PCDHGA5: variants seen among roughly 807,000 people sequenced by gnomAD.
PCDHGA5 encodes protocadherin gamma subfamily A, 5.
PCDHGA5 carries 36 observed loss-of-function variants against 56.7 expected under a neutral mutation model. The ratio of observed to expected loss-of-function variants is 0.64; its 90% CI spans 0.49 to 0.84. The LOEUF (loss-of-function observed/expected upper bound fraction) is 0.84, where lower values mean the gene tolerates loss of function less well. PCDHGA5 is among the 40% of genes least tolerant of loss of function. The pLI is 0.00. For missense variants in PCDHGA5, 1,305 were observed against 1,201.5 expected (o/e 1.09, Z -1.27); for synonymous variants, 563 against 520.2 (o/e 1.08, Z -1.12).
rs2093886414 is a variant in PCDHGA5 at position 141,399,784 on chromosome 5, G to C, written c.2421+33033G>C. On this transcript the variant is annotated intron_variant, in intron 1 of 3. Transcript: ENST00000518069. ...GCGCGTGTTGGTGGGCGACCGAAAC[G>C]ACAACGCACCGCGGGTGCTGTACCC... The C allele has an allele frequency of 2.5e-6, 4 of 1,613,288 alleles. No homozygotes were observed. The East Asian group carries it at 6.7e-5, about 27-fold the overall frequency.
intron 1 of PCDHGA5, chr5:141,398,765 C>T (rs2093700875): frequency 6.2e-7 from 1 of 1,613,944 alleles, no homozygotes. Flanking sequence ...TTAGTCCTGA[C>T]TGCCTTGGAC....
intron 1 of PCDHGA5, chr5:141,391,427 A>G (rs1374909206): frequency 1.3e-5 from 2 of 151,516 alleles, no homozygotes; most frequent in Non-Finnish European, 2.9e-5. Flanking sequence ...TTCCTTCTGC[A>G]TCAGCCTCCT....
At chr5:141,384,901 A>G in intron 1 of PCDHGA5, 1 of 1,613,838 alleles carries the variant, frequency 6.2e-7, no homozygotes, top group South Asian at 1.1e-5. Flanking sequence ...GGCTGACAGC[A>G]TCCCCGAAGT....
intron 1 of PCDHGA5, chr5:141,367,404 G>C (rs919849034): frequency 1.3e-5 from 2 of 152,244 alleles, no homozygotes; most frequent in African/African-American, 4.8e-5. Flanking sequence ...GGGCGTGGTG[G>C]CAGGCGCCTG....
Position 141,413,166 on chromosome 5 carries a change from C to T in PCDHGA5, c.2421+46415C>T, listed in dbSNP as rs758193163. ...GTGAGGACTTTGCAGAATTCTGTAA[C>T]CAGACTACAATGGCCGCTCAAAGGA... On this transcript the variant is annotated intron_variant, in intron 1 of 3. Transcript: ENST00000518069. 5 of 1,590,278 alleles carry T rather than the reference C, an allele frequency of 3.1e-6. No individual in the cohort carries two copies. The East Asian group carries it at 1.1e-4, about 36-fold the overall frequency.
chr5:141,511,411 A>T lies in PCDHGA5; in HGVS notation c.*238A>T. On this transcript the variant is annotated 3_prime_UTR_variant, in exon 4 of 4. Transcript: ENST00000518069. ...GAACCCCCATCCAATCAACTGCTGTACCCATGGGGGTAGTGGGGTTACTGT... is the reference window on the plus strand; with the variant it reads ...GAACCCCCATCCAATCAACTGCTGTTCCCATGGGGGTAGTGGGGTTACTGT... 1.1e-6 allele frequency: 1 copy of T among 901,334 alleles called. No individual in the cohort carries two copies. Among genetic ancestry groups the T allele is most frequent in the Non-Finnish European group, 1.6e-6 (1 of 617,750 alleles). 55.8% of individuals were successfully genotyped at this position (901,334 alleles called of 1,614,324 possible).
intron 1 of PCDHGA5, chr5:141,379,315 A>T (rs1364362567): frequency 1.3e-5 from 2 of 152,242 alleles, no homozygotes; most frequent in Non-Finnish European, 2.9e-5. Context: ...TAAACAAGAG[A>T]TCTAATCATA....
chr5:141,405,471 A>C, intron 1 of PCDHGA5: 6 of 1,084,370 alleles, frequency 5.5e-6, no homozygotes, highest in Non-Finnish European at 7.9e-6. Context: ...CCAGGCTGGA[A>C]TGCAGTGGTG....
intron 1 of PCDHGA5, among the ~76,000 whole-genome samples, chr5:141,473,057 A>G (rs2099313037): frequency 2.6e-5 from 4 of 152,056 alleles, no homozygotes; most frequent in Non-Finnish European, 5.9e-5. Flanking sequence ...AAGTGATACA[A>G]CAAGTTACAG....
At chr5:141,423,632 T>G in intron 1 of PCDHGA5, 1 of 1,602,602 alleles carries the variant, frequency 6.2e-7, no homozygotes, top group Non-Finnish European at 8.5e-7. Flanking sequence ...GCTATCATTT[T>G]AGGCAAATGT....
Position 141,431,687 on chromosome 5 carries a change from G to A in PCDHGA5, c.2422-63120G>A. On this transcript the variant is annotated intron_variant, in intron 1 of 3. Transcript: ENST00000518069. This position sits in a 1 kb window ranked among gnomAD's most constrained non-coding sequence, Gnocchi z 4.8. ...ATCAACAATAGGGGAGTTGGACCAC[G>A]AGGAGTCAGGATTCTACCAGATGGA... The A allele has an allele frequency of 1.9e-6, 3 of 1,614,214 alleles. No homozygotes were observed. Among genetic ancestry groups the A allele is most frequent in the Middle Eastern group, 1.6e-4 (1 of 6,062 alleles).
chr5:141,486,706 C>T lies in PCDHGA5; in HGVS notation c.2422-8101C>T. 1.2e-6 allele frequency: 2 copies of T among 1,614,154 alleles called. No homozygotes were observed. Among genetic ancestry groups the T allele is most frequent in the Admixed American group, 1.7e-5 (1 of 60,020 alleles). On this transcript the variant is annotated intron_variant, in intron 1 of 3. Transcript: ENST00000518069. This position sits in a 1 kb window ranked among gnomAD's most constrained non-coding sequence, Gnocchi z 5.0. ...CAGCTTCCTCTTTCATCTCTCTGAACCCCCAGACAGGAGCTGTTCATGCTA... is the reference window on the plus strand; with the variant it reads ...CAGCTTCCTCTTTCATCTCTCTGAATCCCCAGACAGGAGCTGTTCATGCTA...
chr5:141,376,574 G>A, intron 1 of PCDHGA5: 12 of 1,598,206 alleles, frequency 7.5e-6, no homozygotes, highest in Non-Finnish European at 1.0e-5. Context: ...AATCAGACAG[G>A]CTCATCAGCT....
rs758139838 is a variant in PCDHGA5, at chr5:141,431,419, G to C, written c.2422-63388G>C. The C allele has an allele frequency of 1.5e-5, 25 of 1,613,700 alleles. No individual in the cohort carries two copies. The highest frequency in any genetic ancestry group is 2.0e-5 in the Non-Finnish European group (24 of 1,180,046). On this transcript the variant is annotated intron_variant, in intron 1 of 3. Coordinates refer to ENST00000518069, the MANE Select transcript of PCDHGA5 (RefSeq NM_018918.3). This position sits in a 1 kb window ranked among gnomAD's most constrained non-coding sequence, Gnocchi z 4.8. ...TTACGGCCTCCGACGGGGGCGACCC[G>C]GTGCGCACAGGCACCGCGCGCATCC... is the stretch of plus-strand genomic sequence containing the variant.
At chr5:141,387,628 G>A (rs2091015052) in intron 1 of PCDHGA5, 1 of 577,308 alleles carries the variant, frequency 1.7e-6, no homozygotes, top group Admixed American at 3.5e-5. Context: ...GCTGACTCTG[G>A]GCGCCGCTGT....
At chr5:141,463,803 A>G (rs975202568) in intron 1 of PCDHGA5, among the ~76,000 whole-genome samples, 1 of 152,150 alleles carries the variant, frequency 6.6e-6, no homozygotes, top group Non-Finnish European at 1.5e-5. Flanking sequence ...AATGTCTAAA[A>G]GCTTTTATCA....
chr5:141,364,862 TTC>T lies in PCDHGA5; in HGVS notation c.538_539del (p.Leu180GlyfsTer7). On this transcript the variant is annotated frameshift_variant, in exon 1 of 4. Transcript: ENST00000518069. LOFTEE classifies it high-confidence loss of function. Reference sequence around the variant, plus strand: ...TTACCAGCTCAGCTCCAATCTGCACTTCTCTCTGGATGTGGTAAGCGGAACTG... The same window carrying T: ...TTACCAGCTCAGCTCCAATCTGCACTTCTCTGGATGTGGTAAGCGGAACTG... ...RSYQLSSNLH[F>X]SLDVVSGTDG... 3 of 1,613,988 alleles carry T rather than the reference TTC, an allele frequency of 1.9e-6. No homozygotes were observed. Among genetic ancestry groups the T allele is most frequent in the Non-Finnish European group, 2.5e-6 (3 of 1,179,880 alleles).
intron 1 of PCDHGA5, chr5:141,442,016 C>CCA (rs1561906409): frequency 4.6e-6 from 1 of 219,336 alleles, no homozygotes; most frequent in African/African-American, 2.4e-5. Context: ...GCACGATGGG[C>CCA]CACAGGAAAG....
chr5:141,398,557 G>A, intron 1 of PCDHGA5: 1 of 1,613,916 alleles, frequency 6.2e-7, no homozygotes. Flanking sequence ...GCAAATAAGT[G>A]AGTCTGCACA....
Sources: gnomAD v4.1 joint callset for allele counts (sites outside exome capture counted in the v4.1 genomes callset) on GRCh38, gnomAD v4.1.1 for gene constraint, Gnocchi (gnomAD v3.1) non-coding constraint, MANE v1.5 for transcripts, NCBI Gene and HGNC (gene_info 2026-07-23, HGNC 2026-07-21) for gene names.